Variants in TMEM98 observed in about 807,000 individuals in gnomAD.
The protein encoded by TMEM98 is transmembrane protein 98.
Under a neutral mutation model 25.0 loss-of-function variants are expected in TMEM98, and 18 were observed. The ratio of observed to expected loss-of-function variants is 0.72; its 90% CI spans 0.50 to 1.07. The LOEUF is 1.07. Among genes scored for constraint, TMEM98 ranks in the 50% least tolerant of loss-of-function variants. The pLI, the probability that TMEM98 is intolerant of heterozygous loss-of-function variation, is 0.00. For missense variants in TMEM98, 241 were observed against 289.0 expected, an observed-to-expected ratio of 0.83 and a Z score of 1.20; for synonymous variants, 103 against 112.4, an observed-to-expected ratio of 0.92 and a Z score of 0.53.
At position 32,939,556 on chromosome 17, in the gene TMEM98, C is replaced by T. The variant is rs1383713889; in HGVS notation, c.473+20C>T. The T allele has an allele frequency of 6.2e-7, 1 of 1,613,960 alleles. No homozygotes were observed. The highest frequency in any genetic ancestry group is 1.7e-5 in the Admixed American group (1 of 60,018). ...CGCACGGTGAGACCAGGGGTGGGTG[C>T]ATGTTCGGTTTTTCATGCAGAGGTC... On this transcript the variant is annotated intron_variant, in intron 7 of 7. Coordinates refer to ENST00000579849, the MANE Select transcript of TMEM98 (RefSeq NM_015544.3).
intron 1 of TMEM98, among the ~76,000 whole-genome samples, chr17:32,929,767 C>G (rs576597760): frequency 2.7e-4 from 41 of 152,284 alleles, no homozygotes; most frequent in Non-Finnish European, 5.4e-4. Context: ...ACCTTGTCTA[C>G]CTGGCAAACT....
intron 5 of TMEM98, 101 bp from the exon 6 acceptor site, chr17:32,936,231 C>A: frequency 3.3e-6 from 3 of 901,686 alleles, no homozygotes; most frequent in Non-Finnish European, 5.2e-6. Flanking sequence ...TGGGGGCCAG[C>A]TGCGATGGAA....
chr17:32,936,715 C>A (rs971845293), intron 6 of TMEM98, among the ~76,000 whole-genome samples: 3 of 152,220 alleles, frequency 2.0e-5, no homozygotes, highest in African/African-American at 7.2e-5. Context: ...TGACCCTGTC[C>A]TAGACCCTGC....
At chr17:32,934,147 A>T in intron 4 of TMEM98, 144 bp from the exon 5 acceptor site, 1 of 826,802 alleles carries the variant, frequency 1.2e-6, no homozygotes, top group Non-Finnish European at 2.0e-6. Flanking sequence ...GGGCTGGTTC[A>T]TGTTGACACT....
chr17:32,931,452 C>T, intron 2 of TMEM98, 23 bp from the exon 3 acceptor site: 1 of 1,546,934 alleles, frequency 6.5e-7, no homozygotes, highest in Non-Finnish European at 8.7e-7. Flanking sequence ...ACCAGATCTG[C>T]TCTGACTTCA....
chr17:32,928,409 G>C (rs2091444353), intron 1 of TMEM98, among the ~76,000 whole-genome samples, 172 bp downstream of exon 1: 1 of 150,268 alleles, frequency 6.7e-6, no homozygotes, highest in Admixed American at 6.6e-5. Context: ...GCGCCCCGGA[G>C]CGCTCCGGGG....
intron 3 of TMEM98, among the ~76,000 whole-genome samples, chr17:32,932,017 C>G (rs1395662460): frequency 6.6e-6 from 1 of 152,102 alleles, no homozygotes; most frequent in East Asian, 1.9e-4. Context: ...TGCCCACACT[C>G]TGGCCATACA....
At chr17:32,932,203 T>G (rs2091473751) in intron 3 of TMEM98, among the ~76,000 whole-genome samples, 1 of 150,352 alleles carries the variant, frequency 6.7e-6, no homozygotes, top group African/African-American at 2.5e-5. Flanking sequence ...CGGGTTCAAG[T>G]GATTCTCCTG....
chr17:32,932,365 T>A (rs1476018509), intron 3 of TMEM98, among the ~76,000 whole-genome samples: 1 of 152,172 alleles, frequency 6.6e-6, no homozygotes, highest in African/African-American at 2.4e-5. Flanking sequence ...CTTCCCAAAG[T>A]GCTGGGATTA....
chr17:32,937,381 G>A (rs1409960992), intron 6 of TMEM98, among the ~76,000 whole-genome samples: 2 of 152,134 alleles, frequency 1.3e-5, no homozygotes, highest in Admixed American at 6.5e-5. Context: ...GGGAATACAC[G>A]ACCTGGTCAG....
Position 32,941,096 on chromosome 17 carries a change from C to T in TMEM98, c.*103C>T. 1.0e-6 allele frequency: 1 copy of T among 984,028 alleles called. No homozygotes were observed. Among genetic ancestry groups the T allele is most frequent in the Admixed American group, 2.8e-5 (1 of 36,108 alleles). 61.0% of individuals were successfully genotyped at this position (984,028 alleles called of 1,614,324 possible). ...CTATAGAGTTAGTTGTTCTCCACGGCTGGAGAGTTCAGCTGTGTGTGCATA... is the reference window on the plus strand; with the variant it reads ...CTATAGAGTTAGTTGTTCTCCACGGTTGGAGAGTTCAGCTGTGTGTGCATA... On this transcript the variant is annotated 3_prime_UTR_variant, in exon 8 of 8. Coordinates refer to ENST00000579849, the MANE Select transcript of TMEM98 (RefSeq NM_015544.3).
Position 32,941,971 on chromosome 17 carries a change from G to A in TMEM98, c.*978G>A, listed in dbSNP as rs918606016. The A allele has an allele frequency of 2.0e-5, 3 of 152,238 alleles. No individual in the cohort carries two copies. The highest frequency in any genetic ancestry group is 2.1e-4 in the South Asian group (1 of 4,820). 9.4% of individuals were successfully genotyped at this position (152,238 alleles called of 1,614,324 possible). On this transcript the variant is annotated 3_prime_UTR_variant, in exon 8 of 8. Coordinates refer to ENST00000579849, the MANE Select transcript of TMEM98 (RefSeq NM_015544.3). Reference sequence around the variant, plus strand: ...GTGGGAGGATCGCTTGAGCCCAGGAGGTGAAGGTTGCAGTGAGCCCTGATT... The same window carrying A: ...GTGGGAGGATCGCTTGAGCCCAGGAAGTGAAGGTTGCAGTGAGCCCTGATT...
chr17:32,933,048 C>A, intron 3 of TMEM98, 126 bp from the exon 4 acceptor site: 3 of 1,364,782 alleles, frequency 2.2e-6, no homozygotes, highest in Non-Finnish European at 3.0e-6. Context: ...GGATCCGGGA[C>A]AAGTGGTCTC....
At chr17:32,932,350 C>T (rs1200605945) in intron 3 of TMEM98, among the ~76,000 whole-genome samples, 1 of 152,176 alleles carries the variant, frequency 6.6e-6, no homozygotes, top group Non-Finnish European at 1.5e-5. Context: ...ATCCACCCGC[C>T]TCAGCTTCCC....
chr17:32,940,641 C>T lies in TMEM98; in HGVS notation c.474-145C>T, dbSNP rs1598205158. 3.9e-6 allele frequency: 3 copies of T among 778,588 alleles called. No homozygotes were observed. In the East Asian group the frequency reaches 7.6e-5, roughly 20 times the overall value. 48.2% of individuals were successfully genotyped at this position (778,588 alleles called of 1,614,324 possible). A position where few individuals can be genotyped will look rare whatever the true frequency, so the allele number is the denominator to read the frequency against. ...TCTCCAAATTTATTTGAGCATGGAG[C>T]CAACTTTAAATTGCATACCTACCAA... is the stretch of plus-strand genomic sequence containing the variant. On this transcript the variant is annotated intron_variant, in intron 7 of 7. Transcript: ENST00000579849.
intron 6 of TMEM98, 126 bp downstream of exon 6, chr17:32,936,573 C>G: frequency 1.3e-6 from 1 of 789,120 alleles, no homozygotes; most frequent in Non-Finnish European, 2.0e-6. Flanking sequence ...TATTTGTTTC[C>G]CACACATTTA....
rs762499912 is a variant in TMEM98, at chr17:32,933,262, A to G, written c.220A>G (p.Ile74Val). ...CGATGTCGTTATCACCAACCCCCAC[A>G]TTGAGGCCATTCTGGAGAATGAAGA... ...LDDVVITNPH[I>V]EAILENEDWI... The change falls in exon 4 of 8, where the codon ATT becomes GTT. Residue 74 changes from isoleucine to valine, a missense_variant. Transcript: ENST00000579849. 4 of 1,614,020 alleles carry G rather than the reference A, an allele frequency of 2.5e-6. No individual in the cohort carries two copies. The highest frequency in any genetic ancestry group is 1.1e-5 in the South Asian group (1 of 91,076).
chr17:32,935,454 T>C (rs191365547), intron 5 of TMEM98, among the ~76,000 whole-genome samples: 1 of 152,290 alleles, frequency 6.6e-6, no homozygotes, highest in East Asian at 1.9e-4. Context: ...GGGAGTCATA[T>C]TGAATTGGAA....
chr17:32,934,477 C>G, intron 5 of TMEM98, 153 bp downstream of exon 5: 1 of 744,566 alleles, frequency 1.3e-6, no homozygotes, highest in South Asian at 1.8e-5. Flanking sequence ...TTTACTTCCC[C>G]CCCTGCCTGG....
Sources: gnomAD v4.1 joint callset for allele counts (sites outside exome capture counted in the v4.1 genomes callset) on GRCh38, gnomAD v4.1.1 for gene constraint, MANE v1.5 for transcripts, NCBI Gene and HGNC (gene_info 2026-07-23, HGNC 2026-07-21) for gene names.